Variants in SH2D4B observed in about 807,000 individuals in gnomAD.
SH2D4B encodes SH2 domain-containing protein 4B.
In SH2D4B, 45 loss-of-function variants were observed where a neutral mutation model predicts 61.5. The ratio of observed to expected loss-of-function variants is 0.73; its 90% CI spans 0.58 to 0.94. SH2D4B has a LOEUF of 0.94. Ranked by LOEUF, SH2D4B falls within the 40% of genes least tolerant of loss-of-function variation. SH2D4B has a pLI of 0.00. For synonymous variants in SH2D4B, 224 were observed against 220.4 expected (o/e 1.02, Z -0.14); for missense variants, 572 against 574.2 (o/e 1.00, Z 0.04).
chr10:80,607,019 A>G (rs143730406), intron 5 of SH2D4B, among the ~76,000 whole-genome samples: 2 of 152,328 alleles, frequency 1.3e-5, no homozygotes, highest in East Asian at 3.9e-4. Flanking sequence ...AGATTAGCTG[A>G]AAAAGAAAAA....
At chr10:80,545,037 C>CT (rs1197017854) in intron 1 of SH2D4B, among the ~76,000 whole-genome samples, 1 of 152,214 alleles carries the variant, frequency 6.6e-6, no homozygotes, top group Non-Finnish European at 1.5e-5. Flanking sequence ...AACCTGCCTA[C>CT]TTTTCTTCCT....
intron 4 of SH2D4B, among the ~76,000 whole-genome samples, chr10:80,597,104 C>T (rs541353070): frequency 6.6e-6 from 1 of 152,252 alleles, no homozygotes; most frequent in Admixed American, 6.5e-5. Flanking sequence ...TGTGCATAGG[C>T]TATACGCAAT....
chr10:80,632,968 G>A lies in SH2D4B; in HGVS notation c.989-1317G>A, dbSNP rs766759302. The stretch of plus-strand genomic sequence containing the variant: ...GCCTCTTGCTGTAAATCCTGGGCAA[G>A]GAGGAAATAGGTGGCCCCTGGTTGC... On this transcript the variant is annotated intron_variant, in intron 6 of 7. Transcript: ENST00000646907. Among the ~76,000 whole-genome samples, 21 of 151,924 alleles carry A rather than the reference G, an allele frequency of 1.4e-4. No homozygotes were observed. In the South Asian group the frequency reaches 2.9e-3, roughly 21 times the overall value.
intron 1 of SH2D4B, among the ~76,000 whole-genome samples, chr10:80,551,196 G>A (rs1355854935): frequency 1.3e-5 from 2 of 152,116 alleles, no homozygotes; most frequent in Non-Finnish European, 2.9e-5. Context: ...GGGACTACAG[G>A]CACCCTCCAC....
At chr10:80,635,871 C>T (rs926468659) in intron 7 of SH2D4B, among the ~76,000 whole-genome samples, 5 of 152,156 alleles carry the variant, frequency 3.3e-5, no homozygotes, top group African/African-American at 1.2e-4. Flanking sequence ...CACAGGTATA[C>T]ATGTGCCATG....
intron 4 of SH2D4B, among the ~76,000 whole-genome samples, chr10:80,597,109 C>T (rs1842393551): frequency 6.6e-6 from 1 of 152,150 alleles, no homozygotes; most frequent in Admixed American, 6.5e-5. Context: ...ATAGGCTATA[C>T]GCAATCCCTA....
chr10:80,596,818 G>A (rs1842390056), intron 4 of SH2D4B, among the ~76,000 whole-genome samples: 1 of 152,156 alleles, frequency 6.6e-6, no homozygotes, highest in South Asian at 2.1e-4. Context: ...CTCGCAGAAC[G>A]TTTCCCTGCA....
At chr10:80,629,016 C>T (rs1446038238) in intron 6 of SH2D4B, among the ~76,000 whole-genome samples, 49 of 130,036 alleles carry the variant, frequency 3.8e-4, no homozygotes, top group African/African-American at 1.5e-3. Context: ...GGTGACAGAG[C>T]GAGACTCTAT....
rs184398748 is a variant in SH2D4B, at chr10:80,622,605, C to T, written c.989-11680C>T. Among the ~76,000 whole-genome samples, 131 of 152,258 alleles carry T rather than the reference C, an allele frequency of 8.6e-4. 1 individual carries two copies. Among genetic ancestry groups the T allele is most frequent in the Non-Finnish European group, 1.6e-3 (108 of 68,018 alleles). ...TTTTGCTCAATTTTGATTTCACTCA[C>T]AGTGGTGGCAGGTGGCCCTGGAGGG... On this transcript the variant is annotated intron_variant, in intron 6 of 7. Transcript: ENST00000646907.
intron 3 of SH2D4B, among the ~76,000 whole-genome samples, chr10:80,576,322 T>C (rs1216076600): frequency 1.3e-5 from 2 of 152,254 alleles, no homozygotes; most frequent in Admixed American, 1.3e-4. Context: ...ATGATTATTA[T>C]ATGTTTGTTT....
chr10:80,633,490 C>T (rs987464042), intron 6 of SH2D4B, among the ~76,000 whole-genome samples: 8 of 152,136 alleles, frequency 5.3e-5, no homozygotes, highest in East Asian at 1.9e-4. Flanking sequence ...TGGCAGAGGT[C>T]GGGGGTGGGG....
At chr10:80,546,678 A>G (rs1019328199) in intron 1 of SH2D4B, among the ~76,000 whole-genome samples, 1 of 151,418 alleles carries the variant, frequency 6.6e-6, no homozygotes, top group African/African-American at 2.4e-5. Context: ...GGCGCCCACC[A>G]CCGCGCCCGG....
intron 6 of SH2D4B, among the ~76,000 whole-genome samples, chr10:80,623,194 C>A (rs145516232): frequency 3.9e-4 from 60 of 152,350 alleles, no homozygotes; most frequent in African/African-American, 9.9e-4. Context: ...GGATTACAGG[C>A]GTGAGCCGCC....
chr10:80,563,234 A>G (rs1393459054), intron 1 of SH2D4B, among the ~76,000 whole-genome samples: 1 of 152,144 alleles, frequency 6.6e-6, no homozygotes, highest in Non-Finnish European at 1.5e-5. Flanking sequence ...CCTGTTGGCT[A>G]TTTGTATGCC....
chr10:80,603,765 G>T lies in SH2D4B; in HGVS notation c.830G>T (p.Gly277Val). The part of the protein sequence containing the change: ...ARLYHHLPDP[G>V]LPQPLALPVS... Reference sequence around the variant, plus strand: ...CTCTACCACCACCTCCCCGACCCGGGTCTGCCGCAGCCCCTTGCCCTGCCG... The same window carrying T: ...CTCTACCACCACCTCCCCGACCCGGTTCTGCCGCAGCCCCTTGCCCTGCCG... The change falls in exon 5 of 8, where the codon GGT becomes GTT. Residue 277 changes from glycine (G) to valine (V), a missense_variant. Gly to Val is a moderately radical substitution (Grantham distance 109). Coordinates refer to ENST00000646907, the MANE Select transcript of SH2D4B (RefSeq NM_001388272.1). 6.2e-7 allele frequency: 1 copy of T among 1,611,924 alleles called. No homozygotes were observed.
chr10:80,596,577 T>C (rs889364137), intron 4 of SH2D4B, among the ~76,000 whole-genome samples: 4 of 152,342 alleles, frequency 2.6e-5, no homozygotes, highest in Admixed American at 2.6e-4. Context: ...TCTTTGGTCA[T>C]TGGCCTCACA....
chr10:80,571,498 T>A lies in SH2D4B; in HGVS notation c.415T>A (p.Leu139Met). ...DALANEKARI[L>M]AEKWKVEMED... Reference sequence around the variant, plus strand: ...TCTGGCCAATGAGAAAGCCCGGATCTTGGCGGAGAAGTGGAAAGTGGAGAT... The same window carrying A: ...TCTGGCCAATGAGAAAGCCCGGATCATGGCGGAGAAGTGGAAAGTGGAGAT... The change falls in exon 3 of 8, where the codon TTG (leucine) becomes ATG (methionine). Residue 139 changes from leucine (L) to methionine (M), a missense_variant. Coordinates refer to ENST00000646907, the MANE Select transcript of SH2D4B (RefSeq NM_001388272.1). The A allele has an allele frequency of 6.2e-7, 1 of 1,614,160 alleles. No homozygotes were observed.
At chr10:80,586,973 C>G (rs1842261196) in intron 3 of SH2D4B, among the ~76,000 whole-genome samples, 1 of 152,034 alleles carries the variant, frequency 6.6e-6, no homozygotes, top group South Asian at 2.1e-4. Flanking sequence ...CCAGCGAGAC[C>G]ACGAACCCAC....
chr10:80,587,146 G>GTTTTTTTTTTTTTTTTTTT (rs1564775919), intron 3 of SH2D4B, among the ~76,000 whole-genome samples: 1 of 86,170 alleles, frequency 1.2e-5, no homozygotes, highest in Non-Finnish European at 2.0e-5. Context: ...TTTTTTTTTT[G>GTTTTTTTTTTTTTTTTTTT]TTTTGTTTTT....
Sources: allele counts gnomAD v4.1 joint callset (sites outside exome capture counted in the v4.1 genomes callset), GRCh38; gene constraint gnomAD v4.1.1; transcripts MANE v1.5; gene names NCBI Gene and HGNC (gene_info 2026-07-23, HGNC 2026-07-21).